CYP4A11: variants seen among roughly 807,000 people sequenced by gnomAD.
CYP4A11 encodes cytochrome P450 family 4 subfamily A member 11, also known as cytochrome P450 4A11.
In CYP4A11, 52 loss-of-function variants were observed where a neutral mutation model predicts 57.7. The observed-to-expected ratio is 0.90, with a 90% CI of 0.72 to 1.14. The LOEUF is 1.14. Among genes scored for constraint, CYP4A11 ranks in the 50% most tolerant of loss-of-function variants. The probability of loss-of-function intolerance (pLI) is 0.00; values close to 1 mark genes in which losing one functional copy is unlikely to be tolerated. For missense variants in CYP4A11, 641 were observed against 642.1 expected (o/e 1.00, Z 0.02); for synonymous variants, 228 against 247.1 (o/e 0.92, Z 0.72).
intron 1 of CYP4A11, among the ~76,000 whole-genome samples, chr1:46,940,131 T>G (rs559565036): frequency 1.3e-5 from 2 of 149,316 alleles, no homozygotes; most frequent in South Asian, 4.4e-4. Context: ...GTGTCCCTCC[T>G]CAGCCCTCTT....
chr1:46,937,255 T>C, intron 3 of CYP4A11, 47 bp downstream of exon 3: 1 of 1,601,392 alleles, frequency 6.2e-7, no homozygotes, highest in Non-Finnish European at 8.5e-7. Context: ...AATAAATAAC[T>C]CAAACCTGAC....
chr1:46,940,540 G>A (rs1056236741), intron 1 of CYP4A11: 18 of 403,762 alleles, frequency 4.5e-5, no homozygotes, highest in Non-Finnish European at 6.0e-5. Context: ...AACACACCCT[G>A]TTCAATGTGC....
At chr1:46,937,832 A>G (rs1681507169) in intron 2 of CYP4A11, among the ~76,000 whole-genome samples, 164 bp downstream of exon 2, 2 of 152,198 alleles carry the variant, frequency 1.3e-5, no homozygotes, top group Non-Finnish European at 2.9e-5. Context: ...GGAGTTCAGT[A>G]ACTATTTTTG....
chr1:46,941,217 C>G, intron 1 of CYP4A11, 22 bp downstream of exon 1: 1 of 1,605,204 alleles, frequency 6.2e-7, no homozygotes, highest in Middle Eastern at 1.8e-4. Context: ...CCCTCCCACT[C>G]CCCCATTGAG....
rs1160374796 is a variant in CYP4A11 at position 46,940,631 on chromosome 1, A to G, written c.195+608T>C. ...GTGTACCCATAATTGTCAGGTTTTC[A>G]GATCCTAAATCACCTGTTGTGGAAA... On this transcript the variant is annotated intron_variant, in intron 1 of 11. Transcript: ENST00000310638. 3.1e-6 allele frequency: 3 copies of G among 982,028 alleles called. No individual in the cohort carries two copies. In the African/African-American group the frequency reaches 5.2e-5, roughly 17 times the overall value. The allele number at this position is 982,028 out of a possible 1,614,324, so 60.8% of individuals were successfully genotyped here. A position where few individuals can be genotyped will look rare whatever the true frequency, so the allele number is the denominator to read the frequency against.
At chr1:46,939,194 G>T (rs9332997) in intron 1 of CYP4A11, among the ~76,000 whole-genome samples, 8 of 152,158 alleles carry the variant, frequency 5.3e-5, no homozygotes, top group Admixed American at 4.6e-4. Flanking sequence ...CATAGGTATC[G>T]AATATCTGCC....
chr1:46,941,383 T>G lies in CYP4A11; in HGVS notation c.51A>C (p.Gly17=). Residue 17 remains glycine, a synonymous_variant, in exon 1 of 12, where the codon GGA becomes GGC. Transcript: ENST00000310638. ...SPSRLLGDVS[G]ILQAASLLIL... ...TGAGCAGGGAGGCCGCTTGGAGGAT[T>G]CCAGAGACATCACCCAGGAGTCTGC... 6.2e-7 allele frequency: 1 copy of G among 1,613,786 alleles called. No homozygotes were observed.
At chr1:46,941,212 C>T in intron 1 of CYP4A11, 27 bp downstream of exon 1, 1 of 1,600,216 alleles carries the variant, frequency 6.2e-7, no homozygotes, top group Non-Finnish European at 8.5e-7. Flanking sequence ...CTTTGCCCTC[C>T]CACTCCCCCA....
intron 4 of CYP4A11, 95 bp from the exon 5 acceptor site, chr1:46,935,742 T>C (rs1681348602): frequency 1.3e-6 from 2 of 1,546,950 alleles, no homozygotes; most frequent in East Asian, 4.5e-5. Flanking sequence ...ATCCTGTTTT[T>C]TCCTGTAGCA....
rs1189024958 is a variant in CYP4A11, at chr1:46,932,813, G to C, written c.1312C>G (p.Pro438Ala). 1 of 1,614,190 alleles carries C rather than the reference G, an allele frequency of 6.2e-7. No individual in the cohort carries two copies. ...GCGTGGCTGTGTTGAGCAGAACCCG[G>C]TGCAAAACGGAAAGGGTCAAACACC... ...PEVFDPFRFA[P>A]GSAQHSHAFL... Residue 438 changes from proline (P) to alanine (A), a missense_variant, in exon 11 of 12, where the codon CCG (proline) becomes GCG (alanine). By Grantham distance (27) the Pro-to-Ala change is conservative. Coordinates refer to ENST00000310638, the MANE Select transcript of CYP4A11 (RefSeq NM_000778.4).
At chr1:46,936,095 G>A (rs1277232282) in intron 4 of CYP4A11, among the ~76,000 whole-genome samples, 1 of 152,212 alleles carries the variant, frequency 6.6e-6, no homozygotes, top group Admixed American at 6.5e-5. Flanking sequence ...AGAAAACAGG[G>A]ACTTCAATTC....
chr1:46,937,138 C>T (rs778162887), intron 3 of CYP4A11, among the ~76,000 whole-genome samples, 164 bp downstream of exon 3: 5 of 152,002 alleles, frequency 3.3e-5, no homozygotes, highest in Non-Finnish European at 7.4e-5. Context: ...AGGTTTGTAC[C>T]AGCATTAGGA....
Position 46,940,834 on chromosome 1 carries a change from G to C in CYP4A11, c.195+405C>G. 1.5e-5 allele frequency: 15 copies of C among 985,364 alleles called. No homozygotes were observed. The South Asian group carries it at 7.0e-4, about 46-fold the overall frequency. 61.0% of individuals were successfully genotyped at this position (985,364 alleles called of 1,614,324 possible). A position where few individuals can be genotyped will look rare whatever the true frequency, so the allele number is the denominator to read the frequency against. On this transcript the variant is annotated intron_variant, in intron 1 of 11. Coordinates refer to ENST00000310638, the MANE Select transcript of CYP4A11 (RefSeq NM_000778.4). ...CTCATGGCATGGATTCCTCAGATGG[G>C]TGTCTGTGCTCCCTGGCAAACACAG...
rs1346519106 is a variant in CYP4A11, at chr1:46,937,977, G to A, written c.337+19C>T. ...AAGAGGGAAGACACATTGCAGTTGGGATGGGGGTTCGATCTCACCTGATCT... is the reference window on the plus strand; with the variant it reads ...AAGAGGGAAGACACATTGCAGTTGGAATGGGGGTTCGATCTCACCTGATCT... On this transcript the variant is annotated intron_variant, in intron 2 of 11. Transcript: ENST00000310638. 6 of 1,613,584 alleles carry A rather than the reference G, an allele frequency of 3.7e-6. No individual in the cohort carries two copies. The Admixed American group carries it at 6.7e-5, about 18-fold the overall frequency.
intron 3 of CYP4A11, 39 bp from the exon 4 acceptor site, chr1:46,936,830 T>C (rs1284705979): frequency 2.5e-6 from 4 of 1,568,886 alleles, no homozygotes; most frequent in African/African-American, 1.4e-5. Context: ...TGTGTGTGTG[T>C]GTGTGTGTGT....
rs1375798050 is a variant in CYP4A11 at position 46,930,320 on chromosome 1, G to A, written c.1365-10C>T. 5 of 1,607,784 alleles carry A rather than the reference G, an allele frequency of 3.1e-6. No homozygotes were observed. Among genetic ancestry groups the A allele is most frequent in the Admixed American group, 1.7e-5 (1 of 59,640 alleles). On this transcript the variant is annotated splice_polypyrimidine_tract_variant and intron_variant, in intron 11 of 11. Transcript: ENST00000310638. ...TTTCCCGATGCAGTTCCTGGGCCAG[G>A]TGGAGATAATGAATTGAGAAGTGTC...
At position 46,941,312 on chromosome 1, in the gene CYP4A11, C is replaced by T. The variant is rs745767999; in HGVS notation, c.122G>A (p.Arg41Lys). The T allele has an allele frequency of 5.0e-6, 8 of 1,614,172 alleles. No homozygotes were observed. In the Admixed American group the frequency reaches 1.2e-4, roughly 24 times the overall value. The change falls in exon 1 of 12, where the codon AGG becomes AAG. Residue 41 changes from arginine (R) to lysine (K), a missense_variant. Physicochemically the swap from Arg to Lys is conservative, Grantham distance 26 (BLOSUM62 2). Coordinates refer to ENST00000310638, the MANE Select transcript of CYP4A11 (RefSeq NM_000778.4). ...LIKAVQLYLH[R>K]QWLLKALQQF... Reference sequence around the variant, plus strand: ...CTGGAGGGCTTTGAGCAGCCACTGCCTGTGCAGGTAGAGCTGAACTGCCTT... The same window carrying T: ...CTGGAGGGCTTTGAGCAGCCACTGCTTGTGCAGGTAGAGCTGAACTGCCTT...
At chr1:46,933,187 A>T in intron 9 of CYP4A11, 140 bp from the exon 10 acceptor site, 2 of 1,264,676 alleles carry the variant, frequency 1.6e-6, no homozygotes, top group South Asian at 1.4e-5. Context: ...TTCTGCCATT[A>T]TGCAGGTGGG....
At position 46,934,967 on chromosome 1, in the gene CYP4A11, G is replaced by A. The variant is rs1557553586; in HGVS notation, c.790+33C>T. ...GGGCAAGTTCTTTCGCTGTGCCTGG[G>A]AAAGGCTGGGAGACAAGAGGAAAAG... On this transcript the variant is annotated intron_variant, in intron 6 of 11. Coordinates refer to ENST00000310638, the MANE Select transcript of CYP4A11 (RefSeq NM_000778.4). The A allele has an allele frequency of 3.7e-6, 6 of 1,604,638 alleles. No homozygotes were observed. The South Asian group carries it at 4.5e-5, about 12-fold the overall frequency.
Sources: allele counts gnomAD v4.1 joint callset (sites outside exome capture counted in the v4.1 genomes callset), GRCh38; gene constraint gnomAD v4.1.1; transcripts MANE v1.5; gene names NCBI Gene and HGNC (gene_info 2026-07-23, HGNC 2026-07-21).